FANCC: variants seen among roughly 807,000 people sequenced by gnomAD.
FANCC encodes the protein FA complementation group C, also known as Fanconi anemia group C protein.
Under a neutral mutation model 71.3 loss-of-function variants are expected in FANCC, and 55 were observed. That is an observed-to-expected ratio of 0.77 (90% CI 0.62 to 0.97). The LOEUF is 0.97. FANCC is among the 50% of genes least tolerant of loss of function. FANCC has a pLI of 0.00. For synonymous variants in FANCC, 275 were observed against 244.9 expected, an observed-to-expected ratio of 1.12 and a Z score of -1.15; for missense variants, 678 against 670.9, an observed-to-expected ratio of 1.01 and a Z score of -0.12.
At chr9:95,152,252 T>C (rs1486043898) in intron 6 of FANCC, among the ~76,000 whole-genome samples, 1 of 152,224 alleles carries the variant, frequency 6.6e-6, no homozygotes, top group African/African-American at 2.4e-5. Context: ...ATGACACAGA[T>C]GCAAAGATGA....
chr9:95,188,489 A>G (rs1377763859), intron 4 of FANCC, among the ~76,000 whole-genome samples: 1 of 152,170 alleles, frequency 6.6e-6, no homozygotes, highest in Non-Finnish European at 1.5e-5. Context: ...TACAACTTAC[A>G]CTGCTTGGTC....
intron 6 of FANCC, among the ~76,000 whole-genome samples, chr9:95,167,499 CTT>C (rs1825378287): frequency 6.6e-6 from 1 of 151,984 alleles, no homozygotes; most frequent in African/African-American, 2.4e-5. Context: ...TTCCTTCATT[CTT>C]TTTTCTTTTT....
chr9:95,268,385 T>C (rs887932891), intron 1 of FANCC, among the ~76,000 whole-genome samples: 2 of 152,246 alleles, frequency 1.3e-5, no homozygotes, highest in Non-Finnish European at 2.9e-5. Flanking sequence ...AATGGGCTCC[T>C]GCCAAAAGGG....
chr9:95,230,364 C>T (rs1829927463), intron 4 of FANCC, among the ~76,000 whole-genome samples: 1 of 152,140 alleles, frequency 6.6e-6, no homozygotes, highest in Non-Finnish European at 1.5e-5. Flanking sequence ...AAGCACATAC[C>T]TTGCTTTCTA....
At chr9:95,154,479 T>C (rs1830349268) in intron 6 of FANCC, among the ~76,000 whole-genome samples, 1 of 152,168 alleles carries the variant, frequency 6.6e-6, no homozygotes, top group Non-Finnish European at 1.5e-5. Context: ...GAATAAATGA[T>C]TATTTATTTA....
At chr9:95,231,272 C>T (rs1296379418) in intron 4 of FANCC, among the ~76,000 whole-genome samples, 1 of 152,198 alleles carries the variant, frequency 6.6e-6, no homozygotes, top group Non-Finnish European at 1.5e-5. Flanking sequence ...AATATCCAAA[C>T]TATGTTACTT....
intron 1 of FANCC, among the ~76,000 whole-genome samples, chr9:95,308,344 C>T (rs746228937): frequency 3.3e-5 from 5 of 151,684 alleles, no homozygotes; most frequent in Non-Finnish European, 7.4e-5. Flanking sequence ...TTTGTTTGTG[C>T]AATGGCCCAA....
chr9:95,275,412 A>G (rs1479406764), intron 1 of FANCC, among the ~76,000 whole-genome samples: 1 of 152,232 alleles, frequency 6.6e-6, no homozygotes, highest in South Asian at 2.1e-4. Flanking sequence ...GTATGATACT[A>G]TAATAGCGGA....
rs529929298 is a variant in FANCC, at chr9:95,257,997, T to C, written c.-78-8628A>G. ...CTCTCAAGACTAAACCAGGAAGAAGTTGAATCCCTGAATAGACCAATAACA... is the reference window on the plus strand; with the variant it reads ...CTCTCAAGACTAAACCAGGAAGAAGCTGAATCCCTGAATAGACCAATAACA... On this transcript the variant is annotated intron_variant, in intron 1 of 14. Coordinates refer to ENST00000289081, the MANE Select transcript of FANCC (RefSeq NM_000136.3). Among the ~76,000 whole-genome samples the C allele has an allele frequency of 6.6e-5, 10 of 152,242 alleles. No homozygotes were observed. The East Asian group carries it at 1.7e-3, about 26-fold the overall frequency.
At chr9:95,130,678 C>CCGTCCCA (rs1204195549) in intron 8 of FANCC, among the ~76,000 whole-genome samples, 1 of 152,146 alleles carries the variant, frequency 6.6e-6, no homozygotes, top group Admixed American at 6.5e-5. Flanking sequence ...CCGGACAATC[C>CCGTCCCA]CGTCCCACCG....
chr9:95,211,240 G>T (rs974813139), intron 4 of FANCC, among the ~76,000 whole-genome samples: 4 of 152,212 alleles, frequency 2.6e-5, no homozygotes, highest in South Asian at 2.1e-4. Flanking sequence ...GAGAGCCATC[G>T]TGAGCAGAGC....
chr9:95,278,977 G>A (rs180853345), intron 1 of FANCC, among the ~76,000 whole-genome samples: 43 of 152,024 alleles, frequency 2.8e-4, no homozygotes, highest in Admixed American at 4.6e-4. Context: ...CTTGAGCCCA[G>A]GAGTTTGAGA....
At chr9:95,254,803 A>G (rs1031076983) in intron 1 of FANCC, among the ~76,000 whole-genome samples, 4 of 152,188 alleles carry the variant, frequency 2.6e-5, no homozygotes, top group African/African-American at 9.7e-5. Context: ...ACTCCCAAGG[A>G]GCCCAGCAAG....
At chr9:95,288,930 C>G (rs948161624) in intron 1 of FANCC, among the ~76,000 whole-genome samples, 24 of 151,626 alleles carry the variant, frequency 1.6e-4, no homozygotes, top group African/African-American at 5.8e-4. Flanking sequence ...CCCATCTTCA[C>G]AAAAAAACAG....
chr9:95,176,570 A>ACAT (rs1826023000), intron 4 of FANCC, among the ~76,000 whole-genome samples: 1 of 152,220 alleles, frequency 6.6e-6, no homozygotes, highest in East Asian at 1.9e-4. Context: ...ACAATTTACC[A>ACAT]AGTGCTTACA....
At chr9:95,131,174 A>G (rs774777768) in intron 8 of FANCC, among the ~76,000 whole-genome samples, 6 of 152,224 alleles carry the variant, frequency 3.9e-5, no homozygotes, top group Non-Finnish European at 8.8e-5. Flanking sequence ...TAAGAACTTA[A>G]CAAGTACCAA....
At chr9:95,237,670 G>C (rs891852634) in intron 4 of FANCC, among the ~76,000 whole-genome samples, 1 of 152,072 alleles carries the variant, frequency 6.6e-6, no homozygotes, top group Non-Finnish European at 1.5e-5. Context: ...AAAATTCCTC[G>C]GAACAACTTG....
At chr9:95,271,064 G>A (rs962432436) in intron 1 of FANCC, among the ~76,000 whole-genome samples, 5 of 152,140 alleles carry the variant, frequency 3.3e-5, no homozygotes, top group Non-Finnish European at 5.9e-5. Context: ...AAGGACAGTC[G>A]TGCCCCAGAG....
intron 4 of FANCC, among the ~76,000 whole-genome samples, chr9:95,180,770 A>C (rs1826303999): frequency 6.6e-6 from 1 of 152,152 alleles, no homozygotes; most frequent in African/African-American, 2.4e-5. Context: ...TATATGTGTT[A>C]TCCTTTTCTA....
Sources: allele counts gnomAD v4.1 joint callset (sites outside exome capture counted in the v4.1 genomes callset), GRCh38; gene constraint gnomAD v4.1.1; transcripts MANE v1.5; gene names NCBI Gene and HGNC (gene_info 2026-07-23, HGNC 2026-07-21).